The following ADIPOR2 variants were observed in gnomAD, a reference collection of about 807,000 sequenced individuals.
ADIPOR2 encodes adiponectin receptor protein 2.
In ADIPOR2, 18 loss-of-function variants were observed where a neutral mutation model predicts 40.9. That is an observed-to-expected ratio of 0.44 (90% CI 0.30 to 0.65). The LOEUF (loss-of-function observed/expected upper bound fraction) is 0.65. Ranked by LOEUF, ADIPOR2 falls within the 30% of genes least tolerant of loss-of-function variation. ADIPOR2 has a pLI of 0.09. For synonymous variants in ADIPOR2, 165 were observed against 166.4 expected (o/e 0.99, Z 0.06); for missense variants, 283 against 479.2 (o/e 0.59, Z 3.82).
At chr12:1,705,088 T>C in intron 1 of ADIPOR2, among the ~76,000 whole-genome samples, 1 of 152,200 alleles carries the variant, frequency 6.6e-6, no homozygotes, top group Non-Finnish European at 1.5e-5. Flanking sequence ...CCCGAATGAT[T>C]GTTATTTAAT....
intron 2 of ADIPOR2, among the ~76,000 whole-genome samples, chr12:1,763,849 T>C (rs1438005675): frequency 3.3e-5 from 5 of 152,108 alleles, no homozygotes; most frequent in African/African-American, 7.2e-5. Context: ...CCTGGTGGCA[T>C]GTACCTGTAG....
intron 2 of ADIPOR2, among the ~76,000 whole-genome samples, chr12:1,767,007 C>T (rs998458874): frequency 2.0e-5 from 3 of 152,170 alleles, no homozygotes; most frequent in African/African-American, 7.2e-5. Flanking sequence ...TGGTGGCTCA[C>T]GCCCGTAATC....
chr12:1,771,816 A>C (rs1862499804), intron 2 of ADIPOR2, among the ~76,000 whole-genome samples: 2 of 152,360 alleles, frequency 1.3e-5, no homozygotes, highest in South Asian at 4.1e-4. Context: ...CAGTCATGTT[A>C]GCAGTACTGT....
intron 4 of ADIPOR2, among the ~76,000 whole-genome samples, chr12:1,779,855 T>C (rs989611138): frequency 6.6e-6 from 1 of 152,154 alleles, no homozygotes; most frequent in Non-Finnish European, 1.5e-5. Context: ...CCCTAAGCAA[T>C]AGGAACATGG....
Position 1,712,457 on chromosome 12 carries a change from C to T in ADIPOR2, c.-87+21266C>T, listed in dbSNP as rs573931703. ...AGCCTCTGATATAAGACGGCCACTG[C>T]TGCAACTACACGTAAACAGTGAGGC... On this transcript the variant is annotated intron_variant, in intron 1 of 7. Transcript: ENST00000357103. Among the ~76,000 whole-genome samples the T allele has an allele frequency of 9.9e-4, 150 of 152,244 alleles. 2 individuals carry two copies. The highest frequency in any genetic ancestry group is 3.4e-3 in the African/African-American group (142 of 41,506).
chr12:1,714,328 C>T (rs188342867), intron 1 of ADIPOR2, among the ~76,000 whole-genome samples: 3 of 152,086 alleles, frequency 2.0e-5, no homozygotes, highest in South Asian at 4.1e-4. Context: ...CTGTAGAACA[C>T]GGAGGTTGCC....
intron 1 of ADIPOR2, among the ~76,000 whole-genome samples, chr12:1,745,561 T>C (rs2094753211): frequency 6.6e-6 from 1 of 152,234 alleles, no homozygotes; most frequent in African/African-American, 2.4e-5. Flanking sequence ...AAATTTATGT[T>C]GATAGTCTGC....
At chr12:1,771,066 G>A (rs1862483841) in intron 2 of ADIPOR2, among the ~76,000 whole-genome samples, 1 of 152,172 alleles carries the variant, frequency 6.6e-6, no homozygotes, top group African/African-American at 2.4e-5. Context: ...GCTCATACCT[G>A]TAATCCCAAC....
chr12:1,762,788 A>C (rs1862297551), intron 2 of ADIPOR2, among the ~76,000 whole-genome samples: 1 of 152,222 alleles, frequency 6.6e-6, no homozygotes, highest in African/African-American at 2.4e-5. Context: ...CTGAGGTTTC[A>C]TGTGAATGTA....
intron 1 of ADIPOR2, among the ~76,000 whole-genome samples, chr12:1,702,141 G>GA (rs34621675): frequency 0.35 from 53,022 of 151,790 alleles, 9,723 homozygotes; most frequent in East Asian, 0.5. Context: ...TGAACAAACA[G>GA]AAAAAACCCC....
intron 7 of ADIPOR2, 85 bp downstream of exon 7, chr12:1,784,158 T>C: frequency 2.9e-6 from 4 of 1,391,542 alleles, no homozygotes; most frequent in Non-Finnish European, 3.8e-6. Context: ...GAAAAAGTTT[T>C]AGACACAAAG....
At chr12:1,765,259 A>G (rs560975528) in intron 2 of ADIPOR2, among the ~76,000 whole-genome samples, 1 of 152,296 alleles carries the variant, frequency 6.6e-6, no homozygotes, top group East Asian at 1.9e-4. Flanking sequence ...AATTAGTTAC[A>G]CCTACTTTAT....
At chr12:1,735,724 C>G (rs1023406967) in intron 1 of ADIPOR2, among the ~76,000 whole-genome samples, 1 of 152,186 alleles carries the variant, frequency 6.6e-6, no homozygotes, top group Non-Finnish European at 1.5e-5. Context: ...ATGATATTGG[C>G]TGTGGGTTTG....
At chr12:1,754,693 TTATTATTACTACTACTAC>T (rs1353052554) in intron 2 of ADIPOR2, among the ~76,000 whole-genome samples, 179 bp downstream of exon 2, 9 of 136,746 alleles carry the variant, frequency 6.6e-5, no homozygotes, top group South Asian at 4.7e-4. Context: ...ATCTTTATTA[TTATTATTACTACTACTAC>T]TACTACTACT....
chr12:1,751,347 G>A (rs1356727739), intron 1 of ADIPOR2, among the ~76,000 whole-genome samples: 3 of 152,008 alleles, frequency 2.0e-5, no homozygotes, highest in African/African-American at 7.3e-5. Flanking sequence ...GTATTGATAG[G>A]AATGTATATT....
chr12:1,763,006 A>G (rs540175380), intron 2 of ADIPOR2, among the ~76,000 whole-genome samples: 1 of 152,232 alleles, frequency 6.6e-6, no homozygotes, highest in African/African-American at 2.4e-5. Context: ...ATAGTGATCC[A>G]TTGTAGTTGT....
At chr12:1,748,727 G>A (rs7977802) in intron 1 of ADIPOR2, among the ~76,000 whole-genome samples, 3 of 151,718 alleles carry the variant, frequency 2.0e-5, no homozygotes, top group South Asian at 2.1e-4. Context: ...ATTTGTAAAC[G>A]TGTTTAGGGA....
At position 1,724,070 on chromosome 12, in the gene ADIPOR2, C is replaced by G. The variant is rs1032793634; in HGVS notation, c.-86-30188C>G. ...GATCTTGGCTCACCGCAACCTCTGC[C>G]TCCCGGGTTCAAGCGATTCTCCTGC... On this transcript the variant is annotated intron_variant, in intron 1 of 7. Coordinates refer to ENST00000357103, the MANE Select transcript of ADIPOR2 (RefSeq NM_024551.3). 9.9e-5 allele frequency among the ~76,000 whole-genome samples: 15 copies of G among 152,006 alleles called. 1 individual carries two copies. The highest frequency in any genetic ancestry group is 7.9e-4 in the Admixed American group (12 of 15,256).
intron 1 of ADIPOR2, among the ~76,000 whole-genome samples, chr12:1,725,714 A>G (rs1217732143): frequency 2.0e-5 from 3 of 152,206 alleles, no homozygotes; most frequent in Non-Finnish European, 4.4e-5. Flanking sequence ...TGAACAAAAT[A>G]CATTATATTT....
Sources: gnomAD v4.1 joint callset for allele counts (sites outside exome capture counted in the v4.1 genomes callset) on GRCh38, gnomAD v4.1.1 for gene constraint, MANE v1.5 for transcripts, NCBI Gene and HGNC (gene_info 2026-07-23, HGNC 2026-07-21) for gene names.